The following MAPK8IP3 variants were observed in gnomAD, a reference collection of about 807,000 sequenced individuals.
The protein encoded by MAPK8IP3 is mitogen-activated protein kinase 8 interacting protein 3.
Under a neutral mutation model 157.8 loss-of-function variants are expected in MAPK8IP3, and 49 were observed. The observed-to-expected ratio is 0.31, with a 90% CI of 0.25 to 0.39. The LOEUF is 0.39. Among genes scored for constraint, MAPK8IP3 ranks in the 10% least tolerant of loss-of-function variants. The pLI, the probability that MAPK8IP3 is intolerant of heterozygous loss-of-function variation, is 1.00. For missense variants in MAPK8IP3, 1,478 were observed against 1,889.4 expected, an observed-to-expected ratio of 0.78 and a Z score of 4.04; for synonymous variants, 897 against 777.7, an observed-to-expected ratio of 1.15 and a Z score of -2.55.
chr16:1,739,141 C>CGT (rs553263960), intron 4 of MAPK8IP3, among the ~76,000 whole-genome samples: 1 of 112,370 alleles, frequency 8.9e-6, no homozygotes, highest in African/African-American at 3.4e-5. Context: ...TGTGACCGTC[C>CGT]GTGTGTGTGA....
At chr16:1,738,472 G>A (rs562914017) in intron 4 of MAPK8IP3, among the ~76,000 whole-genome samples, 2 of 118,914 alleles carry the variant, frequency 1.7e-5, no homozygotes, top group East Asian at 2.7e-4. Context: ...CCGTCCGTGT[G>A]AGCATCCGTG....
chr16:1,745,168 AG>A, intron 5 of MAPK8IP3: 1 of 985,402 alleles, frequency 1.0e-6, no homozygotes, highest in African/African-American at 1.7e-5. Flanking sequence ...ACGGAGAGCT[AG>A]GGGAGGCGCA....
rs1271959639 is a variant in MAPK8IP3, at chr16:1,741,221, T to C, written c.603-2111T>C. Among the ~76,000 whole-genome samples, 1 of 152,092 alleles carries C rather than the reference T, an allele frequency of 6.6e-6. No homozygotes were observed. Among genetic ancestry groups the C allele is most frequent in the Non-Finnish European group, 1.5e-5 (1 of 68,002 alleles). ...CGTGACCCCTGGGGGTGGTGGTCTC[T>C]GAACTAGGGAGCATCTGCATCCCCT... On this transcript the variant is annotated intron_variant, in intron 4 of 31. Coordinates refer to ENST00000610761, the MANE Select transcript of MAPK8IP3 (RefSeq NM_001318852.2). This position sits in a 1 kb window ranked among gnomAD's most constrained non-coding sequence, Gnocchi z 6.9.
intron 1 of MAPK8IP3, among the ~76,000 whole-genome samples, chr16:1,723,213 T>C (rs2038649941): frequency 6.6e-6 from 1 of 151,606 alleles, no homozygotes; most frequent in Admixed American, 6.6e-5. Flanking sequence ...TTTGTATTTT[T>C]TAGTAGAAAC....
intron 13 of MAPK8IP3, 79 bp downstream of exon 13, chr16:1,761,384 TCA>T: frequency 8.0e-7 from 1 of 1,243,938 alleles, no homozygotes; most frequent in Non-Finnish European, 1.2e-6. Context: ...CGTTCACCAT[TCA>T]CACACAGGGT....
Position 1,724,447 on chromosome 16 carries a change from T to A in MAPK8IP3, c.319-110T>A. 7.0e-7 allele frequency: 1 copy of A among 1,424,546 alleles called. No individual in the cohort carries two copies. Among genetic ancestry groups the A allele is most frequent in the Non-Finnish European group, 9.5e-7 (1 of 1,056,600 alleles). 88.2% of individuals were successfully genotyped at this position (1,424,546 alleles called of 1,614,324 possible). A position where few individuals can be genotyped will look rare whatever the true frequency, so the allele number is the denominator to read the frequency against. Reference sequence around the variant, plus strand: ...CTGGCCATGGGCCAGCTTGTGGCCCTGGGGACATCTTTGGCCCCTGGGCCC... The same window carrying A: ...CTGGCCATGGGCCAGCTTGTGGCCCAGGGGACATCTTTGGCCCCTGGGCCC... On this transcript the variant is annotated intron_variant, in intron 1 of 31. Coordinates refer to ENST00000610761, the MANE Select transcript of MAPK8IP3 (RefSeq NM_001318852.2). The surrounding 1 kb of genome is among the most constrained non-coding windows in gnomAD (Gnocchi z 4.1).
intron 2 of MAPK8IP3, among the ~76,000 whole-genome samples, chr16:1,725,809 T>G (rs984898309): frequency 5.9e-5 from 9 of 151,762 alleles, no homozygotes; most frequent in Non-Finnish European, 1.3e-4. Flanking sequence ...GTGATTCTCC[T>G]GCCTCAGCTT....
At chr16:1,736,683 CGT>C (rs2039887950) in intron 4 of MAPK8IP3, among the ~76,000 whole-genome samples, 2 of 56,400 alleles carry the variant, frequency 3.5e-5, no homozygotes, top group Admixed American at 3.1e-4. Flanking sequence ...TGTGAGCATC[CGT>C]GTGACCGACC....
intron 3 of MAPK8IP3, 49 bp from the exon 4 acceptor site, chr16:1,729,438 G>T (rs779397109): frequency 1.2e-5 from 18 of 1,543,174 alleles, no homozygotes; most frequent in Admixed American, 1.7e-5. Context: ...AGAGGGGACG[G>T]AGACAGCCCC....
At chr16:1,737,351 CGT>C (rs1340915047) in intron 4 of MAPK8IP3, among the ~76,000 whole-genome samples, 1 of 76,546 alleles carries the variant, frequency 1.3e-5, no homozygotes, top group Non-Finnish European at 2.4e-5. Flanking sequence ...CGTGACCGTC[CGT>C]GAGTGTGTGA....
intron 10 of MAPK8IP3, among the ~76,000 whole-genome samples, chr16:1,759,553 T>TGGCCCTGCC (rs1329594614): frequency 1.3e-5 from 2 of 152,198 alleles, no homozygotes; most frequent in South Asian, 2.1e-4. Flanking sequence ...CCAGCCCTGC[T>TGGCCCTGCC]GGCCCTGCCG....
chr16:1,709,793 A>G (rs17135499), intron 1 of MAPK8IP3, among the ~76,000 whole-genome samples: 17,512 of 152,276 alleles, frequency 0.12, 1,370 homozygotes, highest in African/African-American at 0.22. Context: ...CCCTTCTCCC[A>G]TAGTGATCAA....
chr16:1,761,150 G>T, intron 12 of MAPK8IP3, 74 bp from the exon 13 acceptor site: 2 of 1,186,190 alleles, frequency 1.7e-6, no homozygotes, highest in Non-Finnish European at 2.5e-6. Flanking sequence ...GGTTCGGGGC[G>T]GGCACTGCCC....
Position 1,748,588 on chromosome 16 carries a change from G to C in MAPK8IP3, c.1098-14G>C. 3 of 1,606,128 alleles carry C rather than the reference G, an allele frequency of 1.9e-6. No individual in the cohort carries two copies. Among genetic ancestry groups the C allele is most frequent in the Non-Finnish European group, 2.6e-6 (3 of 1,172,920 alleles). On this transcript the variant is annotated splice_polypyrimidine_tract_variant and intron_variant, in intron 7 of 31. Coordinates refer to ENST00000610761, the MANE Select transcript of MAPK8IP3 (RefSeq NM_001318852.2). ...CTGACTCTGCTCTCTCTCCCGACCT[G>C]TGGATCCCAACAGCCCAACCCAGGG...
chr16:1,764,944 C>T lies in MAPK8IP3; in HGVS notation c.2281-69C>T. 4 of 1,489,652 alleles carry T rather than the reference C, an allele frequency of 2.7e-6. No individual in the cohort carries two copies. In the South Asian group the frequency reaches 4.9e-5, roughly 18 times the overall value. The allele number at this position is 1,489,652 out of a possible 1,614,324, so 92.3% of individuals were successfully genotyped here. ...GGATCCTGACAGATTCTGGGAGCCC[C>T]ATGGCCCTGTGCTGCCACCGGGTAG... is the stretch of plus-strand genomic sequence containing the variant. On this transcript the variant is annotated intron_variant, in intron 19 of 31. Transcript: ENST00000610761.
intron 8 of MAPK8IP3, among the ~76,000 whole-genome samples, chr16:1,755,144 A>C (rs60134863): frequency 6.6e-6 from 1 of 152,336 alleles, no homozygotes; most frequent in African/African-American, 2.4e-5. Context: ...AACCTGTGAT[A>C]CGAGCTCATG....
At position 1,763,525 on chromosome 16, in the gene MAPK8IP3, C is replaced by A. The variant is rs185149757; in HGVS notation, c.1899-132C>A. ...GAAAGCCACCCTTCCCAGCTGGGCA[C>A]CCGGTGGCCGGGAAAAGGCGAGGAT... On this transcript the variant is annotated intron_variant, in intron 16 of 31. Coordinates refer to ENST00000610761, the MANE Select transcript of MAPK8IP3 (RefSeq NM_001318852.2). 1.1e-4 allele frequency: 143 copies of A among 1,280,810 alleles called. 2 individuals are homozygous for A. The Middle Eastern group carries it at 2.3e-3, about 21-fold the overall frequency. The allele number at this position is 1,280,810 out of a possible 1,614,324, so 79.3% of individuals were successfully genotyped here.
At position 1,748,585 on chromosome 16, in the gene MAPK8IP3, C is replaced by A. The variant is rs763321359; in HGVS notation, c.1098-17C>A. ...CCACTGACTCTGCTCTCTCTCCCGA[C>A]CTGTGGATCCCAACAGCCCAACCCA... On this transcript the variant is annotated splice_polypyrimidine_tract_variant and intron_variant, in intron 7 of 31. Coordinates refer to ENST00000610761, the MANE Select transcript of MAPK8IP3 (RefSeq NM_001318852.2). 1 of 1,599,396 alleles carries A rather than the reference C, an allele frequency of 6.3e-7. No homozygotes were observed. The highest frequency in any genetic ancestry group is 1.7e-5 in the Admixed American group (1 of 59,998).
At chr16:1,707,402 G>C (rs1185376709) in intron 1 of MAPK8IP3, 1 of 152,312 alleles carries the variant, frequency 6.6e-6, no homozygotes, top group African/African-American at 2.4e-5. Flanking sequence ...GAGATTGTTA[G>C]CTGATGTAGC....
Sources: gnomAD v4.1 joint callset for allele counts (sites outside exome capture counted in the v4.1 genomes callset) on GRCh38, gnomAD v4.1.1 for gene constraint, Gnocchi (gnomAD v3.1) non-coding constraint, MANE v1.5 for transcripts, NCBI Gene and HGNC (gene_info 2026-07-23, HGNC 2026-07-21) for gene names.